RBM19: variants seen among roughly 807,000 people sequenced by gnomAD.
RBM19 encodes the protein probable RNA-binding protein 19.
RBM19 carries 94 observed loss-of-function variants against 116.8 expected under a neutral mutation model. The observed-to-expected ratio is 0.80, with a 90% CI of 0.68 to 0.95. The LOEUF (loss-of-function observed/expected upper bound fraction) is 0.95, where lower values mean the gene tolerates loss of function less well. RBM19 is among the 40% of genes least tolerant of loss of function. The pLI is 0.00. For missense variants in RBM19, 1,161 were observed against 1,220.7 expected (o/e 0.95, Z 0.73); for synonymous variants, 475 against 494.1 (o/e 0.96, Z 0.51).
intron 21 of RBM19, among the ~76,000 whole-genome samples, chr12:113,902,621 A>G (rs1397115437): frequency 4.6e-5 from 7 of 150,574 alleles, no homozygotes; most frequent in Non-Finnish European, 1.0e-4. Context: ...AAAAAAGACA[A>G]CGTTATATAA....
intron 21 of RBM19, among the ~76,000 whole-genome samples, chr12:113,888,690 A>G (rs1041224889): frequency 6.6e-6 from 1 of 152,164 alleles, no homozygotes; most frequent in Non-Finnish European, 1.5e-5. Context: ...GGCCTCTGCC[A>G]GGGCTGGACT....
intron 8 of RBM19, 33 bp downstream of exon 8, chr12:113,952,479 C>A: frequency 6.3e-7 from 1 of 1,579,676 alleles, no homozygotes; most frequent in South Asian, 1.1e-5. Flanking sequence ...ACTGTCTACC[C>A]GCCTTCCCAC....
At chr12:113,909,762 G>A (rs1215762072) in intron 21 of RBM19, among the ~76,000 whole-genome samples, 1 of 152,144 alleles carries the variant, frequency 6.6e-6, no homozygotes, top group Non-Finnish European at 1.5e-5. Flanking sequence ...CCACTTGACT[G>A]TCTTCCTAAA....
intron 15 of RBM19, 58 bp downstream of exon 15, chr12:113,939,902 T>C: frequency 6.3e-7 from 1 of 1,576,834 alleles, no homozygotes; most frequent in South Asian, 1.1e-5. Flanking sequence ...ACCCTCTCCC[T>C]TGAAGCAGCC....
chr12:113,849,350 C>T (rs1877265124), intron 22 of RBM19, among the ~76,000 whole-genome samples: 2 of 152,238 alleles, frequency 1.3e-5, no homozygotes, highest in Admixed American at 1.3e-4. Context: ...CACTGGGTGT[C>T]TTGAGAACAC....
At chr12:113,937,203 C>T in intron 15 of RBM19, 67 bp from the exon 16 acceptor site, 1 of 1,577,600 alleles carries the variant, frequency 6.3e-7, no homozygotes, top group Non-Finnish European at 8.6e-7. Flanking sequence ...GGGACTCAGT[C>T]CCATGCAGAT....
chr12:113,866,212 G>C (rs752952567), intron 21 of RBM19, among the ~76,000 whole-genome samples: 13 of 152,246 alleles, frequency 8.5e-5, no homozygotes, highest in South Asian at 2.1e-4. Flanking sequence ...ATCATGGTGA[G>C]AGCCAGGTGT....
At chr12:113,907,230 G>A (rs898176178) in intron 21 of RBM19, among the ~76,000 whole-genome samples, 9 of 152,100 alleles carry the variant, frequency 5.9e-5, no homozygotes, top group Admixed American at 2.0e-4. Context: ...TCTTCAGAAC[G>A]CTCATGCCAC....
intron 21 of RBM19, among the ~76,000 whole-genome samples, chr12:113,872,747 TG>T (rs1265432693): frequency 4.6e-5 from 1 of 21,522 alleles, no homozygotes; most frequent in Non-Finnish European, 1.0e-4. Context: ...GGGAGGGAGG[TG>T]GGGGGGGGTC....
At chr12:113,828,415 T>C (rs2135686120) in intron 23 of RBM19, among the ~76,000 whole-genome samples, 1 of 152,134 alleles carries the variant, frequency 6.6e-6, no homozygotes, top group African/African-American at 2.4e-5. Flanking sequence ...TGGAGGCTCC[T>C]GAGTTGCTAC....
chr12:113,834,960 T>C (rs1371287256), intron 23 of RBM19, among the ~76,000 whole-genome samples: 1 of 152,158 alleles, frequency 6.6e-6, no homozygotes, highest in Non-Finnish European at 1.5e-5. Flanking sequence ...GACAAAGCTT[T>C]CTTGCCCTCT....
Position 113,914,979 on chromosome 12 carries a change from C to G in RBM19, c.2548G>C (p.Glu850Gln), listed in dbSNP as rs765519467. ...PFQAHSREIR[E>Q]LFSTFGELKT... is the part of the protein sequence containing the mutation. ...ACCTGAAGTTCTCACCTGAAGAGCT[C>G]TCGGATCTCCCGGCTGTGGGCCTGG... The change falls in exon 21 of 24, where the codon GAG becomes CAG. Residue 850 changes from glutamate to glutamine, a missense_variant. Physicochemically the swap from Glu to Gln is conservative, Grantham distance 29 (BLOSUM62 2). Transcript: ENST00000261741. 6.2e-7 allele frequency: 1 copy of G among 1,613,866 alleles called. No homozygotes were observed. Among genetic ancestry groups the G allele is most frequent in the East Asian group, 2.2e-5 (1 of 44,882 alleles).
At chr12:113,842,188 G>A (rs1293046665) in intron 23 of RBM19, among the ~76,000 whole-genome samples, 3 of 152,184 alleles carry the variant, frequency 2.0e-5, no homozygotes, top group East Asian at 3.8e-4. Context: ...CCACTGTGGC[G>A]AGGCAATAGT....
intron 4 of RBM19, 49 bp from the exon 5 acceptor site, chr12:113,959,453 G>A (rs762611506): frequency 1.3e-6 from 2 of 1,567,894 alleles, no homozygotes; most frequent in East Asian, 2.3e-5. Context: ...AAAGAGAGAG[G>A]AAGAGGCAGA....
rs1593657639 is a variant in RBM19 at position 113,959,890 on chromosome 12, T to C, written c.353A>G (p.Lys118Arg). ...CTTCTCCAGTTGACCTGCCACCTTTTTCTTCTTCTCATCCTGAAAACAGAA... is the reference window on the plus strand; with the variant it reads ...CTTCTCCAGTTGACCTGCCACCTTTCTCTTCTTCTCATCCTGAAAACAGAA... ...TPEIKKDEKK[K>R]KVAGQLEKLK... Residue 118 changes from lysine (K) to arginine (R), a missense_variant, in exon 4 of 24, where the codon AAA (lysine) becomes AGA (arginine). By Grantham distance (26) the Lys-to-Arg change is conservative. Transcript: ENST00000261741. The C allele has an allele frequency of 1.2e-6, 2 of 1,614,176 alleles. No individual in the cohort carries two copies. Among genetic ancestry groups the C allele is most frequent in the East Asian group, 2.2e-5 (1 of 44,870 alleles).
At position 113,959,283 on chromosome 12, in the gene RBM19, C is replaced by G; in HGVS notation, c.500G>C (p.Ser167Thr). ...EPSKGKSKPA[S>T]DYLNFDSDSG... ...ATCGGAGTCGAAGTTCAGGTAGTCA[C>G]TGGCCGGCTTGCTCTTCCCTTTCGA... is the stretch of plus-strand genomic sequence containing the variant. The change falls in exon 5 of 24, where the codon AGT becomes ACT. Residue 167 changes from serine to threonine, a missense_variant. Coordinates refer to ENST00000261741, the MANE Select transcript of RBM19 (RefSeq NM_016196.4). 1.9e-6 allele frequency: 3 copies of G among 1,614,040 alleles called. 1 individual carries two copies.
In RBM19 at chr12:113,940,134, C is replaced by T. The variant is rs111368624; in HGVS notation, c.1764G>A (p.Val588=). ...SQAAAERSKT[V]ILVKNLPAGT... is the part of the protein sequence containing the mutation. ...CTGCCGGGAGGTTCTTGACCAGAAT[C>T]ACAGTCTTGCTTCGCTCTGCTGCAG... The change falls in exon 15 of 24, where the codon GTG becomes GTA. Residue 588 remains valine, a synonymous_variant. Transcript: ENST00000261741. 100 of 1,614,020 alleles carry T rather than the reference C, an allele frequency of 6.2e-5. 2 individuals are homozygous for T. In the African/African-American group the frequency reaches 8.1e-4, roughly 13 times the overall value.
At chr12:113,875,367 CA>C (rs1337293373) in intron 21 of RBM19, among the ~76,000 whole-genome samples, 4 of 152,170 alleles carry the variant, frequency 2.6e-5, no homozygotes, top group Admixed American at 2.0e-4. Context: ...AATAAACCAA[CA>C]AAGAACTCGA....
chr12:113,948,993 G>T lies in RBM19; in HGVS notation c.1116C>A (p.Thr372=), dbSNP rs757269574. The change falls in exon 10 of 24, where the codon ACC becomes ACA. Residue 372 remains threonine, a synonymous_variant. Coordinates refer to ENST00000261741, the MANE Select transcript of RBM19 (RefSeq NM_016196.4). ...TGGTATTCTTTGGTGCACCCTTGGT[G>T]GTGGGGACGTTCTTTTCCCTGAACA... ...IEVFREKNVP[T]TKGAPKNTTK... 37 of 1,614,052 alleles carry T rather than the reference G, an allele frequency of 2.3e-5. No individual in the cohort carries two copies. In the Admixed American group the frequency reaches 4.7e-4, roughly 20 times the overall value.
Sources: allele counts gnomAD v4.1 joint callset (sites outside exome capture counted in the v4.1 genomes callset), GRCh38; gene constraint gnomAD v4.1.1; transcripts MANE v1.5; gene names NCBI Gene and HGNC (gene_info 2026-07-23, HGNC 2026-07-21).